Variants in ABCC6 observed in about 807,000 individuals in gnomAD.
ABCC6 encodes the protein ATP binding cassette subfamily C member 6.
In ABCC6, 126 loss-of-function variants were observed where a neutral mutation model predicts 169.5. That is an observed-to-expected ratio of 0.74 (90% CI 0.64 to 0.86). The LOEUF (loss-of-function observed/expected upper bound fraction) is 0.86, where lower values mean the gene tolerates loss of function less well. Ranked by LOEUF, ABCC6 falls within the 40% of genes least tolerant of loss-of-function variation. The pLI is 0.00. For synonymous variants in ABCC6, 752 were observed against 814.7 expected (o/e 0.92, Z 1.31); for missense variants, 1,733 against 1,927.2 (o/e 0.90, Z 1.89).
chr16:16,175,809 T>C, intron 20 of ABCC6, 102 bp downstream of exon 20: 1 of 1,303,554 alleles, frequency 7.7e-7, no homozygotes, highest in Non-Finnish European at 1.1e-6. Context: ...CTATCCATAA[T>C]GGTTTTGGTT....
chr16:16,161,489 T>C lies in ABCC6; in HGVS notation c.3582A>G (p.Lys1194=), dbSNP rs1209375301. The C allele has an allele frequency of 2.5e-6, 4 of 1,613,972 alleles. No homozygotes were observed. In the South Asian group the frequency reaches 3.3e-5, roughly 13 times the overall value. Residue 1194 remains lysine, a synonymous_variant, in exon 25 of 31, where the codon AAA becomes AAG. Transcript: ENST00000205557. ...CCACGAGGCCAGCACTGAGGTGGGC[T>C]TTGCTCAGCACAGCACACGTGGCAG... ...FAAATCAVLS[K]AHLSAGLVGF...
chr16:16,181,344 G>GA (rs749040729), intron 17 of ABCC6, among the ~76,000 whole-genome samples: 92 of 78,372 alleles, frequency 1.2e-3, no homozygotes, highest in East Asian at 4.7e-3. Flanking sequence ...CTCCGTCTCA[G>GA]AAAAAAAAAA....
At chr16:16,204,984 C>T (rs1441168321) in intron 7 of ABCC6, among the ~76,000 whole-genome samples, 3 of 151,898 alleles carry the variant, frequency 2.0e-5, no homozygotes, top group African/African-American at 7.3e-5. Context: ...TACAGGCACA[C>T]ACCACCATGC....
rs201812902 is a variant in ABCC6, at chr16:16,155,011, G to C, written c.3903C>G (p.Thr1301=). The change falls in exon 28 of 31, where the codon ACC becomes ACG. Residue 1301 remains threonine (T), a synonymous_variant. Transcript: ENST00000205557. ...AGEKVGIVGR[T]GAGKSSLASG... ...TGGCCAGGGAGGACTTCCCTGCCCCGGTCCTGCCAACGATGCCCACCTGCC... is the reference window on the plus strand; with the variant it reads ...TGGCCAGGGAGGACTTCCCTGCCCCCGTCCTGCCAACGATGCCCACCTGCC... The C allele has an allele frequency of 6.4e-7, 1 of 1,561,150 alleles. No individual in the cohort carries two copies. The highest frequency in any genetic ancestry group is 8.7e-7 in the Non-Finnish European group (1 of 1,153,276).
At chr16:16,185,657 C>T (rs560375212) in intron 14 of ABCC6, among the ~76,000 whole-genome samples, 14 of 152,164 alleles carry the variant, frequency 9.2e-5, no homozygotes, top group Admixed American at 4.6e-4. Context: ...TGGTGGTGGG[C>T]GCCTGTAATC....
intron 17 of ABCC6, 135 bp downstream of exon 17, chr16:16,182,277 G>T: frequency 8.9e-7 from 1 of 1,129,232 alleles, no homozygotes; most frequent in Non-Finnish European, 1.3e-6. Context: ...TTGACGCTGA[G>T]CTGAGCCCTT....
At chr16:16,167,112 G>A (rs1468732130) in intron 22 of ABCC6, among the ~76,000 whole-genome samples, 1 of 152,100 alleles carries the variant, frequency 6.6e-6, no homozygotes, top group Non-Finnish European at 1.5e-5. Flanking sequence ...CCTGGGGTGG[G>A]GCTAACTTCT....
intron 25 of ABCC6, 115 bp from the exon 26 acceptor site, chr16:16,159,698 G>C (rs541307212): frequency 1.1e-6 from 1 of 914,938 alleles, no homozygotes; most frequent in African/African-American, 1.6e-5. Flanking sequence ...GTAAAGAGGG[G>C]AGGCAGGAAT....
intron 18 of ABCC6, 46 bp downstream of exon 18, chr16:16,178,752 C>T (rs752043344): frequency 6.2e-7 from 1 of 1,610,916 alleles, no homozygotes; most frequent in Non-Finnish European, 8.5e-7. Context: ...CTAAGTGCTT[C>T]CTCTGCCTTT....
chr16:16,208,336 T>G (rs1346431728), intron 7 of ABCC6, among the ~76,000 whole-genome samples: 2 of 151,492 alleles, frequency 1.3e-5, no homozygotes, highest in Non-Finnish European at 2.9e-5. Context: ...GGTCAAATGA[T>G]GAGGTTTTTT....
intron 22 of ABCC6, among the ~76,000 whole-genome samples, 200 bp from the exon 23 acceptor site, chr16:16,166,133 C>T (rs1289430495): frequency 2.6e-5 from 4 of 152,196 alleles, no homozygotes; most frequent in African/African-American, 9.6e-5. Flanking sequence ...TCAGTGCAGC[C>T]TTGACCTCCT....
At chr16:16,163,976 A>G (rs936947156) in intron 23 of ABCC6, among the ~76,000 whole-genome samples, 7 of 152,080 alleles carry the variant, frequency 4.6e-5, no homozygotes, top group African/African-American at 1.7e-4. Context: ...CCATCCTCGG[A>G]GTCAAGTGAA....
In ABCC6 at chr16:16,155,094, G is replaced by A; in HGVS notation, c.3883-63C>T. 8 of 1,519,274 alleles carry A rather than the reference G, an allele frequency of 5.3e-6. No individual in the cohort carries two copies. In the South Asian group the frequency reaches 9.6e-5, roughly 18 times the overall value. The allele number at this position is 1,519,274 out of a possible 1,614,324, so 94.1% of individuals were successfully genotyped here. On this transcript the variant is annotated intron_variant, in intron 27 of 30. Coordinates refer to ENST00000205557, the MANE Select transcript of ABCC6 (RefSeq NM_001171.6). ...AGGGTTTGTGGGCATTTATTGGGGA[G>A]ATCTTTCTGCTGTACCCGAGATCTG... is the stretch of plus-strand genomic sequence containing the variant.
intron 14 of ABCC6, 90 bp from the exon 15 acceptor site, chr16:16,185,124 C>A (rs8060117): frequency 0.022 from 27,082 of 1,223,182 alleles, 1,594 homozygotes; most frequent in African/African-American, 0.2. Context: ...CCCCGCCCCC[C>A]CCAGGGGCAG....
intron 7 of ABCC6, among the ~76,000 whole-genome samples, chr16:16,205,647 C>G (rs954845903): frequency 2.6e-5 from 4 of 152,110 alleles, no homozygotes; most frequent in Non-Finnish European, 2.9e-5. Flanking sequence ...ATACAGAGAG[C>G]ATCCCTGCCC....
chr16:16,185,117 C>A, intron 14 of ABCC6, 83 bp from the exon 15 acceptor site: 1 of 1,300,918 alleles, frequency 7.7e-7, no homozygotes, highest in South Asian at 1.2e-5. Flanking sequence ...CACCATCCCC[C>A]GCCCCCCCCA....
At position 16,154,756 on chromosome 16, in the gene ABCC6, G is replaced by A. The variant is rs1399819171; in HGVS notation, c.4080C>T (p.Leu1360=). 14 of 1,612,742 alleles carry A rather than the reference G, an allele frequency of 8.7e-6. No individual in the cohort carries two copies. The highest frequency in any genetic ancestry group is 1.3e-5 in the African/African-American group (1 of 74,904). The change falls in exon 29 of 31, where the codon CTC becomes CTT. Residue 1360 remains leucine (L), a synonymous_variant. Transcript: ENST00000205557. ...CGTCCGAGTGCTCCTGCAGCAGGTC[G>A]AGGTTCATCCGCAGAGAGCCAGGGA... ...ILFPGSLRMN[L]DLLQEHSDEA...
At chr16:16,165,568 G>A (rs1246268037) in intron 23 of ABCC6, 55 bp downstream of exon 23, 7 of 1,593,180 alleles carry the variant, frequency 4.4e-6, no homozygotes. Context: ...CAGAGACAGG[G>A]GACTGGCTGA....
chr16:16,168,315 A>ATTG (rs1311671023), intron 22 of ABCC6, among the ~76,000 whole-genome samples: 100 of 7,328 alleles, frequency 0.014, no homozygotes, highest in Non-Finnish European at 0.037. Flanking sequence ...ACACGGCGAA[A>ATTG]CCGTCTCTAT....
Sources: gnomAD v4.1 joint callset for allele counts (sites outside exome capture counted in the v4.1 genomes callset) on GRCh38, gnomAD v4.1.1 for gene constraint, MANE v1.5 for transcripts, NCBI Gene and HGNC (gene_info 2026-07-23, HGNC 2026-07-21) for gene names.